DNM2: variants seen among roughly 807,000 people sequenced by gnomAD.
The protein encoded by DNM2 is dynamin-2.
Under a neutral mutation model 99.0 loss-of-function variants are expected in DNM2, and 15 were observed. The ratio of observed to expected loss-of-function variants is 0.15; its 90% CI spans 0.10 to 0.23. The LOEUF (loss-of-function observed/expected upper bound fraction) is 0.23. DNM2 is among the 10% of genes least tolerant of loss of function. The pLI is 1.00. For missense variants in DNM2, 742 were observed against 1,189.4 expected (o/e 0.62, Z 5.53); for synonymous variants, 525 against 481.2 (o/e 1.09, Z -1.19).
Position 10,795,295 on chromosome 19 carries a change from A to C in DNM2, c.1129-77A>C. The C allele has an allele frequency of 7.4e-7, 1 of 1,355,176 alleles. No individual in the cohort carries two copies. Among genetic ancestry groups the C allele is most frequent in the Non-Finnish European group, 1.1e-6 (1 of 944,948 alleles). The allele number at this position is 1,355,176 out of a possible 1,614,324, so 83.9% of individuals were successfully genotyped here. A position where few individuals can be genotyped will look rare whatever the true frequency, so the allele number is the denominator to read the frequency against. The stretch of plus-strand genomic sequence containing the variant: ...GTGAATATAGCCACACGTGGGAGAG[A>C]ACGTTCCCCAGATGCACGCCTGCCA... On this transcript the variant is annotated intron_variant, in intron 8 of 20. Transcript: ENST00000389253. The surrounding 1 kb of genome is among the most constrained non-coding windows in gnomAD (Gnocchi z 4.2).
intron 6 of DNM2, among the ~76,000 whole-genome samples, chr19:10,783,447 A>G (rs969234892): frequency 6.6e-6 from 1 of 152,168 alleles, no homozygotes; most frequent in Non-Finnish European, 1.5e-5. Flanking sequence ...AGCCTGGGCA[A>G]TAGAGTGAGA....
chr19:10,827,311 C>T (rs550888798), intron 18 of DNM2, among the ~76,000 whole-genome samples: 22 of 152,258 alleles, frequency 1.4e-4, no homozygotes, highest in African/African-American at 4.8e-4. Flanking sequence ...CAATTGCCCA[C>T]GTGCAAAGTG....
intron 6 of DNM2, among the ~76,000 whole-genome samples, chr19:10,785,812 T>TC (rs2071540021): frequency 6.6e-6 from 1 of 152,142 alleles, no homozygotes; most frequent in South Asian, 2.1e-4. Context: ...GCTTTGTTTT[T>TC]CTTTTTCTTT....
chr19:10,742,980 C>T (rs2069813723), intron 1 of DNM2, among the ~76,000 whole-genome samples: 1 of 147,116 alleles, frequency 6.8e-6, no homozygotes. Context: ...GTGGCTCAGT[C>T]TCCGCTGACT....
chr19:10,790,918 GC>G (rs2071734104), intron 7 of DNM2, among the ~76,000 whole-genome samples: 1 of 151,876 alleles, frequency 6.6e-6, no homozygotes, highest in African/African-American at 2.4e-5. Context: ...ACAGGTATGC[GC>G]CACCATGCCT....
At chr19:10,776,359 A>C (rs889214101) in intron 4 of DNM2, among the ~76,000 whole-genome samples, 1 of 152,136 alleles carries the variant, frequency 6.6e-6, no homozygotes, top group African/African-American at 2.4e-5. Context: ...TTTCCCTTCG[A>C]GTTGACACCC....
In DNM2 at chr19:10,808,600, G is replaced by C. The variant is rs2072435211; in HGVS notation, c.1557+20G>C. 1 of 1,611,052 alleles carries C rather than the reference G, an allele frequency of 6.2e-7. No individual in the cohort carries two copies. Among genetic ancestry groups the C allele is most frequent in the African/African-American group, 1.3e-5 (1 of 74,830 alleles). On this transcript the variant is annotated intron_variant, in intron 14 of 20. Transcript: ENST00000389253. Reference sequence around the variant, plus strand: ...ATCCTGGTAAGTACATGCTTAGTGTGGTAGCAAACATTAGAGAATCTAGTG... The same window carrying C: ...ATCCTGGTAAGTACATGCTTAGTGTCGTAGCAAACATTAGAGAATCTAGTG...
chr19:10,727,430 A>C (rs2069150743), intron 1 of DNM2, among the ~76,000 whole-genome samples: 1 of 151,824 alleles, frequency 6.6e-6, no homozygotes, highest in South Asian at 2.1e-4. Context: ...CAGTGGCGTG[A>C]TCACAGCTCA....
At position 10,830,143 on chromosome 19, in the gene DNM2, C is replaced by T. The variant is rs1599641077; in HGVS notation, c.2308C>T (p.Arg770Ter). ...ASSHSPTPQR[R>*]PVSSIHPPGR... ...TCCTCACAGCCCCACTCCACAGCGC[C>T]GACCGGTGTCCAGCATACACCCCCC... is the stretch of plus-strand genomic sequence containing the variant. The change falls in exon 20 of 21, where the codon CGA becomes TGA. Residue 770 changes from arginine (R) to a stop codon, truncating the protein, a stop_gained. Coordinates refer to ENST00000389253, the MANE Select transcript of DNM2 (RefSeq NM_001005361.3). LOFTEE classifies it high-confidence loss of function. The surrounding 1 kb of genome is among the most constrained non-coding windows in gnomAD (Gnocchi z 4.8). 1 of 1,613,850 alleles carries T rather than the reference C, an allele frequency of 6.2e-7. No homozygotes were observed. Among genetic ancestry groups the T allele is most frequent in the Non-Finnish European group, 8.5e-7 (1 of 1,179,834 alleles).
intron 2 of DNM2, among the ~76,000 whole-genome samples, chr19:10,760,638 T>C (rs2070589850): frequency 6.6e-6 from 1 of 151,962 alleles, no homozygotes; most frequent in Non-Finnish European, 1.5e-5. Context: ...TCTCTTTTCA[T>C]TAAAGCAGCC....
chr19:10,761,415 G>A (rs763243586), intron 2 of DNM2, among the ~76,000 whole-genome samples: 3 of 151,846 alleles, frequency 2.0e-5, no homozygotes, highest in East Asian at 3.9e-4. Flanking sequence ...CTTCCCACCC[G>A]AGGCTGACAT....
intron 1 of DNM2, among the ~76,000 whole-genome samples, chr19:10,729,964 G>A (rs1321119224): frequency 2.0e-5 from 3 of 151,824 alleles, no homozygotes; most frequent in African/African-American, 7.3e-5. Context: ...CTGTGCTCAA[G>A]CCATCCTCCT....
At chr19:10,815,991 T>A (rs551635199) in intron 15 of DNM2, among the ~76,000 whole-genome samples, 2 of 152,220 alleles carry the variant, frequency 1.3e-5, no homozygotes, top group South Asian at 4.1e-4. Context: ...GAGAGCCCAC[T>A]GAGGCCACAC....
At chr19:10,726,218 CA>C (rs1195927872) in intron 1 of DNM2, among the ~76,000 whole-genome samples, 45 of 82,550 alleles carry the variant, frequency 5.5e-4, no homozygotes, top group African/African-American at 2.3e-3. Context: ...GACTCTGCCT[CA>C]AAAAAAAAAA....
At chr19:10,738,998 C>T (rs549667360) in intron 1 of DNM2, among the ~76,000 whole-genome samples, 2 of 152,140 alleles carry the variant, frequency 1.3e-5, no homozygotes, top group Non-Finnish European at 2.9e-5. Context: ...GAAACCCCGT[C>T]TCTACTAAAA....
At chr19:10,722,698 T>C (rs1174732135) in intron 1 of DNM2, among the ~76,000 whole-genome samples, 2 of 150,894 alleles carry the variant, frequency 1.3e-5, no homozygotes, top group Non-Finnish European at 2.9e-5. Context: ...CCATCTCTGC[T>C]CACTGCAGCC....
intron 12 of DNM2, among the ~76,000 whole-genome samples, chr19:10,802,892 G>A (rs1177824044): frequency 1.3e-5 from 2 of 152,226 alleles, no homozygotes; most frequent in East Asian, 1.9e-4. Flanking sequence ...TCGATTCAGT[G>A]TGCGTGGTCT....
chr19:10,748,659 G>A (rs2070082784), intron 1 of DNM2, among the ~76,000 whole-genome samples: 1 of 152,170 alleles, frequency 6.6e-6, no homozygotes, highest in African/African-American at 2.4e-5. Flanking sequence ...CCTCATTGGT[G>A]TCCCACCCAC....
intron 7 of DNM2, 46 bp from the exon 8 acceptor site, chr19:10,793,674 T>C (rs1432554319): frequency 1.9e-6 from 3 of 1,614,128 alleles, no homozygotes; most frequent in East Asian, 2.2e-5. Context: ...TCCAGAGTAG[T>C]GTGGAAACCT....
Sources: gnomAD v4.1 joint callset for allele counts (sites outside exome capture counted in the v4.1 genomes callset) on GRCh38, gnomAD v4.1.1 for gene constraint, Gnocchi (gnomAD v3.1) non-coding constraint, MANE v1.5 for transcripts, NCBI Gene and HGNC (gene_info 2026-07-23, HGNC 2026-07-21) for gene names.